DAB1: variants seen among roughly 807,000 people sequenced by gnomAD.
DAB1 encodes disabled homolog 1.
Under a neutral mutation model 64.6 loss-of-function variants are expected in DAB1, and 15 were observed. The observed-to-expected ratio is 0.23, with a 90% CI of 0.16 to 0.36. DAB1 has a LOEUF of 0.36. Ranked by LOEUF, DAB1 falls within the 10% of genes least tolerant of loss-of-function variation. The pLI, the probability that DAB1 is intolerant of heterozygous loss-of-function variation, is 1.00. For missense variants in DAB1, 596 were observed against 706.7 expected (o/e 0.84, Z 1.78); for synonymous variants, 235 against 251.9 (o/e 0.93, Z 0.64).
At chr1:57,732,458 G>A (rs918043485) in intron 6 of DAB1, among the ~76,000 whole-genome samples, 11 of 152,190 alleles carry the variant, frequency 7.2e-5, no homozygotes, top group African/African-American at 1.4e-4. Flanking sequence ...CAATTGCTAC[G>A]ATTCATCGGG....
chr1:58,400,116 T>C (rs1451082284), intron 3 of DAB1, among the ~76,000 whole-genome samples: 2 of 151,970 alleles, frequency 1.3e-5, no homozygotes, highest in Non-Finnish European at 1.5e-5. Context: ...AATAGAGATC[T>C]GTCAGCATCC....
chr1:57,662,341 T>C lies in DAB1; in HGVS notation n.552-12676A>G, dbSNP rs150174019. 9.4e-3 allele frequency among the ~76,000 whole-genome samples: 1,436 copies of C among 152,218 alleles called. 11 individuals are homozygous for C. Among genetic ancestry groups the C allele is most frequent in the Non-Finnish European group, 0.014 (985 of 68,006 alleles). ...CTTCCTTTGTAGCTGGAATTACAGG[T>C]ATGCGCCACCACGCCCGGCTAATTT... On this transcript the variant is annotated intron_variant and non_coding_transcript_variant, in intron 6 of 20. Transcript: ENST00000485760.
At chr1:57,490,042 C>T (rs1644142629) in intron 7 of DAB1, among the ~76,000 whole-genome samples, 1 of 152,138 alleles carries the variant, frequency 6.6e-6, no homozygotes, top group Non-Finnish European at 1.5e-5. Context: ...TCCGCTTCCA[C>T]CATGTGAGAA....
intron 4 of DAB1, among the ~76,000 whole-genome samples, chr1:58,222,274 C>T (rs1032646506): frequency 2.0e-5 from 3 of 151,768 alleles, no homozygotes; most frequent in African/African-American, 7.3e-5. Context: ...TGTATATATA[C>T]ATTTTGAAAA....
chr1:57,677,336 A>G (rs932899220), intron 6 of DAB1, among the ~76,000 whole-genome samples: 2 of 152,198 alleles, frequency 1.3e-5, no homozygotes, highest in African/African-American at 4.8e-5. Flanking sequence ...CTTTACATTA[A>G]GTCCTTCAGT....
intron 7 of DAB1, among the ~76,000 whole-genome samples, chr1:57,647,768 T>A (rs1646211110): frequency 6.6e-6 from 1 of 152,194 alleles, no homozygotes; most frequent in Non-Finnish European, 1.5e-5. Flanking sequence ...AGATATTACT[T>A]TTTCTGCTTT....
chr1:57,726,109 T>G (rs116578702), intron 6 of DAB1, among the ~76,000 whole-genome samples: 1 of 152,232 alleles, frequency 6.6e-6, no homozygotes, highest in East Asian at 1.9e-4. Flanking sequence ...CATGTTCTAG[T>G]TCTTGGAGAT....
intron 1 of DAB1, among the ~76,000 whole-genome samples, chr1:57,846,335 G>C (rs1041535721): frequency 1.3e-5 from 2 of 151,738 alleles, no homozygotes; most frequent in African/African-American, 4.8e-5. Flanking sequence ...GCAGGCACCT[G>C]TAGTCCCATG....
chr1:58,220,579 C>T lies in DAB1; in HGVS notation n.310-69991G>A, dbSNP rs147937857. ...AATTTACAGATGTGTAAGTATAGAG[C>T]CCGCCACATAACAAGTTAAAGAGCA... On this transcript the variant is annotated intron_variant and non_coding_transcript_variant, in intron 4 of 20. Transcript: ENST00000485760. Among the ~76,000 whole-genome samples, 485 of 152,194 alleles carry T rather than the reference C, an allele frequency of 3.2e-3. 2 individuals carry two copies. The highest frequency in any genetic ancestry group is 0.011 in the African/African-American group (468 of 41,508).
At chr1:57,252,754 G>T (rs1322862685) in intron 2 of DAB1, among the ~76,000 whole-genome samples, 5 of 152,228 alleles carry the variant, frequency 3.3e-5, no homozygotes, top group Non-Finnish European at 5.9e-5. Flanking sequence ...TCAGAGCTGA[G>T]AGAGAACAGG....
intron 5 of DAB1, among the ~76,000 whole-genome samples, chr1:57,977,743 A>G (rs923158341): frequency 6.6e-6 from 1 of 152,138 alleles, no homozygotes; most frequent in Non-Finnish European, 1.5e-5. Flanking sequence ...GCCTTCATCC[A>G]TAATTATCCA....
At chr1:57,885,104 A>C (rs1451763016), upstream of DAB1, among the ~76,000 whole-genome samples, 1 of 152,250 alleles carries the variant, frequency 6.6e-6, no homozygotes, top group East Asian at 1.9e-4. Context: ...AAACAGATCA[A>C]GGACAGAGCT....
In DAB1 at chr1:57,119,654, T is replaced by C. The variant is rs373412423; in HGVS notation, c.306+16889A>G. Among the ~76,000 whole-genome samples, 48 of 152,246 alleles carry C rather than the reference T, an allele frequency of 3.2e-4. No homozygotes were observed. The East Asian group carries it at 4.8e-3, about 15-fold the overall frequency. On this transcript the variant is annotated intron_variant, in intron 4 of 14. Transcript: ENST00000371236. ...AACTGAAGTAGCTTGAATTTATATA[T>C]AAACAAATTAATGGAGTCTTTAATG...
intron 7 of DAB1, among the ~76,000 whole-genome samples, chr1:57,498,885 C>A (rs183383254): frequency 2.0e-5 from 3 of 152,228 alleles, no homozygotes; most frequent in Admixed American, 2.0e-4. Flanking sequence ...GCTATGTGAA[C>A]GAATTGGTTT....
chr1:57,385,800 G>A (rs144217119), intron 1 of DAB1, among the ~76,000 whole-genome samples: 1 of 152,224 alleles, frequency 6.6e-6, no homozygotes, highest in African/African-American at 2.4e-5. Flanking sequence ...CCCCAGAATG[G>A]CAAGGTACCA....
intron 3 of DAB1, among the ~76,000 whole-genome samples, chr1:58,421,810 C>A (rs893840214): frequency 3.3e-5 from 5 of 152,150 alleles, no homozygotes; most frequent in Non-Finnish European, 7.3e-5. Flanking sequence ...AGAGAGCGGT[C>A]TTCTCAGATT....
intron 1 of DAB1, among the ~76,000 whole-genome samples, chr1:57,850,960 G>GC (rs1460538817): frequency 1.3e-5 from 2 of 152,028 alleles, no homozygotes; most frequent in African/African-American, 4.8e-5. Context: ...CCCCCTGCAA[G>GC]CCCCCCAAGG....
At chr1:58,391,468 T>C (rs2100555426) in intron 3 of DAB1, among the ~76,000 whole-genome samples, 1 of 152,340 alleles carries the variant, frequency 6.6e-6, no homozygotes, top group South Asian at 2.1e-4. Context: ...ATATGTGACT[T>C]ATCCAAGGCC....
At chr1:57,216,693 C>A (rs746867578) in intron 2 of DAB1, among the ~76,000 whole-genome samples, 14 of 152,256 alleles carry the variant, frequency 9.2e-5, no homozygotes, top group African/African-American at 1.9e-4. Flanking sequence ...TTACAATCAT[C>A]CCTTTTATTT....
Sources: allele counts gnomAD v4.1 joint callset (sites outside exome capture counted in the v4.1 genomes callset), GRCh38; gene constraint gnomAD v4.1.1; transcripts MANE v1.5; gene names NCBI Gene and HGNC (gene_info 2026-07-23, HGNC 2026-07-21).